GSG1L2: variants seen among roughly 807,000 people sequenced by gnomAD.
GSG1L2 encodes the protein GSG1 like 2, also known as germ cell-specific gene 1-like protein 2.
GSG1L2 carries 15 observed loss-of-function variants against 9.0 expected under a neutral mutation model. The ratio of observed to expected loss-of-function variants is 1.67; its 90% CI spans 1.12 to 2.57. GSG1L2 has a LOEUF of 2.57. GSG1L2 is among the 30% of genes most tolerant of loss of function. The pLI, the probability that GSG1L2 is intolerant of heterozygous loss-of-function variation, is 0.00. For missense variants in GSG1L2, 286 were observed against 150.3 expected, an observed-to-expected ratio of 1.90 and a Z score of -4.72; for synonymous variants, 127 against 57.9, an observed-to-expected ratio of 2.19 and a Z score of -5.41.
chr17:9,806,852 C>T (rs1374740298), intron 4 of GSG1L2, among the ~76,000 whole-genome samples: 1 of 152,204 alleles, frequency 6.6e-6, no homozygotes, highest in Non-Finnish European at 1.5e-5. Context: ...TAACAACTCA[C>T]GAAGCATATG....
intron 4 of GSG1L2, among the ~76,000 whole-genome samples, chr17:9,803,250 G>A (rs951331651): frequency 1.3e-5 from 2 of 152,040 alleles, no homozygotes; most frequent in Non-Finnish European, 2.9e-5. Flanking sequence ...CCACAGGCAT[G>A]CGCCACCACA....
At chr17:9,819,408 A>G (rs2066580232) in intron 1 of GSG1L2, among the ~76,000 whole-genome samples, 1 of 152,216 alleles carries the variant, frequency 6.6e-6, no homozygotes, top group South Asian at 2.1e-4. Context: ...ACAGGAAGTT[A>G]ATAGGTAATG....
At chr17:9,810,310 G>A in intron 2 of GSG1L2, 1 of 542,452 alleles carries the variant, frequency 1.8e-6, no homozygotes, top group South Asian at 2.5e-5. Flanking sequence ...GGCTATGGTG[G>A]GAATATTTAC....
At position 9,810,657 on chromosome 17, in the gene GSG1L2, CT is replaced by C. The variant is rs1214711006; in HGVS notation, c.311-40del. ...AGAATGCATCCAGAAGTGGGTTACA[CT>C]TCACAACCAGGGGGCAAATGGTGAA... On this transcript the variant is annotated intron_variant, in intron 1 of 4. Transcript: ENST00000399363. 1.3e-5 allele frequency: 9 copies of C among 702,794 alleles called. 1 individual carries two copies. The South Asian group carries it at 1.3e-4, about 10-fold the overall frequency. 43.5% of individuals were successfully genotyped at this position (702,794 alleles called of 1,614,324 possible).
At chr17:9,813,218 T>C (rs540296431) in intron 1 of GSG1L2, among the ~76,000 whole-genome samples, 2 of 152,316 alleles carry the variant, frequency 1.3e-5, no homozygotes, top group Non-Finnish European at 2.9e-5. Context: ...AATTTCCAAG[T>C]GCCCGTAGGC....
chr17:9,810,354 C>A (rs1365353950), intron 2 of GSG1L2: 1 of 582,428 alleles, frequency 1.7e-6, no homozygotes, highest in Non-Finnish European at 3.0e-6. Context: ...CCAATCAGGG[C>A]TTCCCATCCA....
At chr17:9,816,422 GTGTGCGTGTGTCTCTC>G (rs1253593161) in intron 1 of GSG1L2, among the ~76,000 whole-genome samples, 4 of 150,324 alleles carry the variant, frequency 2.7e-5, no homozygotes, top group Non-Finnish European at 5.9e-5. Flanking sequence ...GTGTCTGTGT[GTGTGCGTGTGTCTCTC>G]TGTGTGCGTG....
Position 9,807,600 on chromosome 17 carries a change from C to T in GSG1L2, c.513G>A (p.Gly171=). 1.4e-6 allele frequency: 1 copy of T among 703,326 alleles called. No individual in the cohort carries two copies. The highest frequency in any genetic ancestry group is 1.7e-5 in the African/African-American group (1 of 57,374). 43.6% of individuals were successfully genotyped at this position (703,326 alleles called of 1,614,324 possible). A position where few individuals can be genotyped will look rare whatever the true frequency, so the allele number is the denominator to read the frequency against. The part of the protein sequence containing the change: ...ALVAIFMVLA[G]LLGMVAHMMY... ...TCATGTGGGCCACCATGCCTAGAAG[C>T]CCTGCGCAAGGAAAGCTCTGTGAGT... The change falls in exon 4 of 5, where the codon GGG becomes GGA. Residue 171 remains glycine, a splice_region_variant and synonymous_variant. Coordinates refer to ENST00000399363, the MANE Select transcript of GSG1L2 (RefSeq NM_001310219.2).
rs1290605501 is a variant in GSG1L2 at position 9,818,329 on chromosome 17, AGTTTT to A, written c.310+3428_310+3432del. On this transcript the variant is annotated intron_variant, in intron 1 of 4. Transcript: ENST00000399363. ...CACACACTTTTCTTGTTTTAGTTTT[AGTTTT>A]GTTTTGTTTTGTTTTTGAGATGGAG... is the stretch of plus-strand genomic sequence containing the variant. 1.5e-4 allele frequency among the ~76,000 whole-genome samples: 23 copies of A among 151,502 alleles called. No homozygotes were observed. In the East Asian group the frequency reaches 4.3e-3, roughly 28 times the overall value.
rs1332628502 is a variant in GSG1L2, at chr17:9,802,296, C to G, written c.*90G>C. 6 of 583,744 alleles carry G rather than the reference C, an allele frequency of 1.0e-5. No individual in the cohort carries two copies. The highest frequency in any genetic ancestry group is 5.5e-5 in the East Asian group (2 of 36,130). 36.2% of individuals were successfully genotyped at this position (583,744 alleles called of 1,614,324 possible). A position where few individuals can be genotyped will look rare whatever the true frequency, so the allele number is the denominator to read the frequency against. On this transcript the variant is annotated 3_prime_UTR_variant, in exon 5 of 5. Transcript: ENST00000399363. ...GGAAGCTTTCCCTGGACAACAATCT[C>G]CTGAAGTCCAACCCAGAGGCAGGGT... is the stretch of plus-strand genomic sequence containing the variant.
chr17:9,817,423 G>A (rs1339678333), intron 1 of GSG1L2, among the ~76,000 whole-genome samples: 2 of 129,304 alleles, frequency 1.5e-5, no homozygotes, highest in Admixed American at 8.9e-5. Context: ...TCTCTCCAAC[G>A]AGGCTTTTTT....
Position 9,803,100 on chromosome 17 carries a change from C to CT in GSG1L2, c.624-457dup, listed in dbSNP as rs58980664. Reference sequence around the variant, plus strand: ...CAGGACAGTGGCATTGGTGTCATTACTTTTTTTTTTTTTTTTTTTTTGAGA... The same window carrying CT: ...CAGGACAGTGGCATTGGTGTCATTACTTTTTTTTTTTTTTTTTTTTTTGAGA... On this transcript the variant is annotated intron_variant, in intron 4 of 4. Coordinates refer to ENST00000399363, the MANE Select transcript of GSG1L2 (RefSeq NM_001310219.2). Among the ~76,000 whole-genome samples the CT allele has an allele frequency of 2.6e-3, 244 of 92,496 alleles. 3 individuals are homozygous for CT. The highest frequency in any genetic ancestry group is 0.011 in the East Asian group (35 of 3,178). The allele number at this position is 92,496 out of a possible 152,430, so 60.7% of individuals were successfully genotyped here. A position where few individuals can be genotyped will look rare whatever the true frequency, so the allele number is the denominator to read the frequency against.
intron 1 of GSG1L2, among the ~76,000 whole-genome samples, chr17:9,817,740 T>C (rs1247141103): frequency 6.6e-6 from 1 of 152,108 alleles, no homozygotes; most frequent in Non-Finnish European, 1.5e-5. Context: ...AGGCCTTTTC[T>C]GTTTAGGAAA....
At position 9,808,876 on chromosome 17, in the gene GSG1L2, G is replaced by C. The variant is rs1422571859; in HGVS notation, c.465C>G (p.His155Gln). 1 of 702,904 alleles carries C rather than the reference G, an allele frequency of 1.4e-6. No homozygotes were observed. Among genetic ancestry groups the C allele is most frequent in the Non-Finnish European group, 2.6e-6 (1 of 385,016 alleles). 43.5% of individuals were successfully genotyped at this position (702,904 alleles called of 1,614,324 possible). ...CTACCAAGGCATCCACCCTGAGCCA[G>C]TGGAACCCAGGGCTGCGACAACTCA... ...SRVSCRSPGFHWLRVDALVAI... is the reference protein window; with the variant it reads ...SRVSCRSPGFQWLRVDALVAI... The change falls in exon 3 of 5, where the codon CAC (histidine) becomes CAG (glutamine). Residue 155 changes from histidine (H) to glutamine (Q), a missense_variant. Coordinates refer to ENST00000399363, the MANE Select transcript of GSG1L2 (RefSeq NM_001310219.2).
At chr17:9,815,414 G>C (rs985765153) in intron 1 of GSG1L2, among the ~76,000 whole-genome samples, 3 of 152,022 alleles carry the variant, frequency 2.0e-5, no homozygotes, top group Non-Finnish European at 2.9e-5. Context: ...TATTGTTCTA[G>C]GTCAGCCTTT....
intron 1 of GSG1L2, among the ~76,000 whole-genome samples, chr17:9,815,484 C>A (rs1375681044): frequency 6.6e-6 from 1 of 152,146 alleles, no homozygotes; most frequent in African/African-American, 2.4e-5. Flanking sequence ...TTAAAAAAAT[C>A]TCTTCTATGC....
At chr17:9,814,513 G>A (rs2066551911) in intron 1 of GSG1L2, among the ~76,000 whole-genome samples, 1 of 152,174 alleles carries the variant, frequency 6.6e-6, no homozygotes. Context: ...AAGAGAAGGT[G>A]GAGGCCAGCC....
At chr17:9,812,421 A>G (rs1339878947) in intron 1 of GSG1L2, among the ~76,000 whole-genome samples, 3 of 151,866 alleles carry the variant, frequency 2.0e-5, no homozygotes, top group Non-Finnish European at 4.4e-5. Flanking sequence ...CACACAGCCC[A>G]TCTTTTTGCC....
chr17:9,816,372 G>C (rs114539323), intron 1 of GSG1L2, among the ~76,000 whole-genome samples: 5 of 137,146 alleles, frequency 3.6e-5, no homozygotes, highest in Admixed American at 1.5e-4. Context: ...GCGTGTGTCT[G>C]TGTGTGTGCG....
Sources: gnomAD v4.1 joint callset for allele counts (sites outside exome capture counted in the v4.1 genomes callset) on GRCh38, gnomAD v4.1.1 for gene constraint, MANE v1.5 for transcripts, NCBI Gene and HGNC (gene_info 2026-07-23, HGNC 2026-07-21) for gene names.